ALDH18A1: variants seen among roughly 807,000 people sequenced by gnomAD.
ALDH18A1 encodes delta-1-pyrroline-5-carboxylate synthase.
In ALDH18A1, 44 loss-of-function variants were observed where a neutral mutation model predicts 88.8. The observed-to-expected ratio is 0.50, with a 90% CI of 0.39 to 0.64. The LOEUF is 0.64. ALDH18A1 is among the 30% of genes least tolerant of loss of function. The pLI, the probability that ALDH18A1 is intolerant of heterozygous loss-of-function variation, is 0.00. For synonymous variants in ALDH18A1, 331 were observed against 372.1 expected, an observed-to-expected ratio of 0.89 and a Z score of 1.27; for missense variants, 782 against 1,009.5, an observed-to-expected ratio of 0.77 and a Z score of 3.05.
Position 95,633,443 on chromosome 10 carries a change from G to A in ALDH18A1, c.717+48C>T, listed in dbSNP as rs1331862321. 3.7e-6 allele frequency: 6 copies of A among 1,607,170 alleles called. No homozygotes were observed. In the South Asian group the frequency reaches 6.6e-5, roughly 18 times the overall value. On this transcript the variant is annotated intron_variant, in intron 6 of 17. Transcript: ENST00000371224. ...GGTGTTAGTGCATGCAGCATAGCAT[G>A]GTGTTAGTGTCTCCAGCATGCTAAA... is the stretch of plus-strand genomic sequence containing the variant.
rs370450551 is a variant in ALDH18A1 at position 95,643,174 on chromosome 10, G to A, written c.121C>T (p.Arg41Cys). Residue 41 changes from arginine (R) to cysteine (C), a missense_variant, in exon 3 of 18, where the codon CGT becomes TGT. Coordinates refer to ENST00000371224, the MANE Select transcript of ALDH18A1 (RefSeq NM_002860.4). ...CIQPSVIRHV[R>C]SWSNIPFITV... ...ATAAACGGGATGTTGCTCCAAGAAC[G>A]AACATGTCTGATGACTGAAGGCTGG... The A allele has an allele frequency of 3.9e-5, 63 of 1,614,050 alleles. No individual in the cohort carries two copies. The highest frequency in any genetic ancestry group is 8.0e-5 in the African/African-American group (6 of 74,914).
At chr10:95,641,644 G>T (rs117899651) in intron 3 of ALDH18A1, among the ~76,000 whole-genome samples, 5,099 of 152,070 alleles carry the variant, frequency 0.034, 116 homozygotes, top group Non-Finnish European at 0.049. Context: ...CTACCAAGAA[G>T]TTAGAACTTT....
At chr10:95,621,953 T>C (rs914982995) in intron 11 of ALDH18A1, among the ~76,000 whole-genome samples, 1 of 152,188 alleles carries the variant, frequency 6.6e-6, no homozygotes. Flanking sequence ...GTCTAGGATA[T>C]AGTCTACGAA....
chr10:95,637,015 A>G (rs1388628072), intron 5 of ALDH18A1, 78 bp downstream of exon 5: 2 of 1,295,194 alleles, frequency 1.5e-6, no homozygotes, highest in South Asian at 1.2e-5. Context: ...ATATTCCAAT[A>G]GTCTGGCTCC....
intron 3 of ALDH18A1, among the ~76,000 whole-genome samples, chr10:95,640,212 C>T (rs756929841): frequency 6.4e-5 from 9 of 141,608 alleles, no homozygotes; most frequent in Non-Finnish European, 1.4e-4. Flanking sequence ...GTCTCTTCCC[C>T]TTTACTCATC....
intron 13 of ALDH18A1, among the ~76,000 whole-genome samples, chr10:95,615,606 G>T (rs777144279): frequency 2.6e-5 from 4 of 152,186 alleles, no homozygotes; most frequent in Non-Finnish European, 4.4e-5. Flanking sequence ...GCTAGGAAGT[G>T]GTGGGGCTGG....
chr10:95,606,183 C>A lies in ALDH18A1; in HGVS notation c.*579G>T. On this transcript the variant is annotated 3_prime_UTR_variant, in exon 18 of 18. Coordinates refer to ENST00000371224, the MANE Select transcript of ALDH18A1 (RefSeq NM_002860.4). Reference sequence around the variant, plus strand: ...CACAGCATCTCCTGGATGCAGGAAGCTGCAAGCATCTGGAATGCTTATTAA... The same window carrying A: ...CACAGCATCTCCTGGATGCAGGAAGATGCAAGCATCTGGAATGCTTATTAA... 1 of 905,888 alleles carries A rather than the reference C, an allele frequency of 1.1e-6. No individual in the cohort carries two copies. Among genetic ancestry groups the A allele is most frequent in the Non-Finnish European group, 1.3e-6 (1 of 755,644 alleles). 56.1% of individuals were successfully genotyped at this position (905,888 alleles called of 1,614,324 possible). A position where few individuals can be genotyped will look rare whatever the true frequency, so the allele number is the denominator to read the frequency against.
chr10:95,628,250 A>T, intron 8 of ALDH18A1, 118 bp downstream of exon 8: 3 of 1,383,562 alleles, frequency 2.2e-6, no homozygotes, highest in Non-Finnish European at 3.1e-6. Flanking sequence ...TACATATTTA[A>T]GTGTGTATGT....
chr10:95,633,849 T>A, intron 5 of ALDH18A1, among the ~76,000 whole-genome samples, 200 bp from the exon 6 acceptor site: 1 of 144,202 alleles, frequency 6.9e-6, no homozygotes, highest in African/African-American at 2.6e-5. Flanking sequence ...CAGGGTCTCA[T>A]TCTGTCGCTC....
chr10:95,632,873 A>G, intron 7 of ALDH18A1, 86 bp downstream of exon 7: 1 of 1,148,600 alleles, frequency 8.7e-7, no homozygotes, highest in Non-Finnish European at 1.3e-6. Flanking sequence ...CATCAGAGGG[A>G]CTCAAAGAAA....
At chr10:95,628,169 GA>G (rs1410306985) in intron 8 of ALDH18A1, among the ~76,000 whole-genome samples, 198 bp downstream of exon 8, 10 of 152,280 alleles carry the variant, frequency 6.6e-5, no homozygotes, top group African/African-American at 2.4e-4. Context: ...CAATATTAAT[GA>G]GAAAACCCAC....
At chr10:95,636,803 A>C (rs1214706450) in intron 5 of ALDH18A1, among the ~76,000 whole-genome samples, 3 of 152,252 alleles carry the variant, frequency 2.0e-5, no homozygotes, top group East Asian at 3.8e-4. Context: ...TATTAGTGTA[A>C]CAAGAACTGA....
At chr10:95,638,087 C>T (rs1488665101) in intron 3 of ALDH18A1, among the ~76,000 whole-genome samples, 1 of 152,170 alleles carries the variant, frequency 6.6e-6, no homozygotes, top group Non-Finnish European at 1.5e-5. Context: ...GAATGTGGCT[C>T]ACTGCAGCCT....
intron 2 of ALDH18A1, among the ~76,000 whole-genome samples, chr10:95,644,105 T>C (rs932335619): frequency 1.8e-4 from 28 of 152,242 alleles, no homozygotes; most frequent in African/African-American, 6.0e-4. Flanking sequence ...ATCGTGCCAC[T>C]GCACTCCAGC....
chr10:95,628,687 T>C, intron 7 of ALDH18A1, 195 bp from the exon 8 acceptor site: 1 of 620,298 alleles, frequency 1.6e-6, no homozygotes, highest in Admixed American at 2.8e-5. Flanking sequence ...TCACCTTACA[T>C]TATTTCTATA....
intron 12 of ALDH18A1, chr10:95,616,819 A>G: frequency 2.9e-6 from 2 of 693,126 alleles, no homozygotes; most frequent in Non-Finnish European, 4.9e-6. Flanking sequence ...AAGCCCAGAG[A>G]GGCTGATGAC....
At chr10:95,644,904 T>G (rs2097898617) in intron 2 of ALDH18A1, among the ~76,000 whole-genome samples, 1 of 152,222 alleles carries the variant, frequency 6.6e-6, no homozygotes, top group South Asian at 2.1e-4. Context: ...GGATCCCTGA[T>G]GGATTTCACA....
At chr10:95,636,713 A>C (rs4417206) in intron 5 of ALDH18A1, among the ~76,000 whole-genome samples, 42,073 of 152,172 alleles carry the variant, frequency 0.28, 6,782 homozygotes, top group Admixed American at 0.4. Flanking sequence ...GAAGCAAGCC[A>C]CCTGAAATCA....
intron 3 of ALDH18A1, 50 bp downstream of exon 3, chr10:95,642,942 G>T (rs993583982): frequency 1.3e-6 from 2 of 1,581,564 alleles, no homozygotes; most frequent in South Asian, 2.2e-5. Flanking sequence ...CTGAACTAGC[G>T]ACTTAAAAAC....
Sources: allele counts gnomAD v4.1 joint callset (sites outside exome capture counted in the v4.1 genomes callset), GRCh38; gene constraint gnomAD v4.1.1; transcripts MANE v1.5; gene names NCBI Gene and HGNC (gene_info 2026-07-23, HGNC 2026-07-21).